Variants in FAM193A observed in about 807,000 individuals in gnomAD.
FAM193A encodes the protein family with sequence similarity 193 member A.
A neutral mutation model predicts 126.5 loss-of-function variants in FAM193A; 22 were observed. The ratio of observed to expected loss-of-function variants is 0.17; its 90% CI spans 0.12 to 0.25. The LOEUF is 0.25. FAM193A is among the 10% of genes least tolerant of loss of function. The pLI is 1.00. For synonymous variants in FAM193A, 761 were observed against 646.8 expected (o/e 1.18, Z -2.68); for missense variants, 1,675 against 1,672.8 (o/e 1.00, Z -0.02).
intron 20 of FAM193A, among the ~76,000 whole-genome samples, chr4:2,719,730 G>A (rs1412474345): frequency 3.4e-4 from 46 of 136,782 alleles, no homozygotes; most frequent in African/African-American, 1.1e-3. Flanking sequence ...GGGCAACAGA[G>A]AGACACTCTC....
chr4:2,602,531 T>G (rs1741261114), intron 2 of FAM193A, among the ~76,000 whole-genome samples: 1 of 152,092 alleles, frequency 6.6e-6, no homozygotes, highest in South Asian at 2.1e-4. Context: ...TTTTGCATTT[T>G]TAGTACAGAT....
At chr4:2,706,949 C>G (rs1018103306) in intron 19 of FAM193A, among the ~76,000 whole-genome samples, 1 of 151,972 alleles carries the variant, frequency 6.6e-6, no homozygotes, top group East Asian at 1.9e-4. Flanking sequence ...GGTGAAACAC[C>G]ATCTCTACTA....
At chr4:2,637,945 G>C (rs979091486) in intron 5 of FAM193A, among the ~76,000 whole-genome samples, 15 of 152,234 alleles carry the variant, frequency 9.9e-5, no homozygotes, top group African/African-American at 2.7e-4. Context: ...GCCTCACCTA[G>C]AGGTGTAATT....
At chr4:2,640,388 A>G (rs1255616328) in intron 6 of FAM193A, among the ~76,000 whole-genome samples, 1 of 152,292 alleles carries the variant, frequency 6.6e-6, no homozygotes, top group Admixed American at 6.5e-5. Flanking sequence ...AAAGGGGTGC[A>G]GAGTGCAGCA....
chr4:2,577,555 A>G lies in FAM193A; in HGVS notation c.256-18529A>G, dbSNP rs1452198216. On this transcript the variant is annotated intron_variant, in intron 1 of 20. Transcript: ENST00000637812. The stretch of plus-strand genomic sequence containing the variant: ...TGCCTCAGCCTCCTGAGTAGCTGCA[A>G]TTACAGGCGCCCGCCACCACACCCG... Among the ~76,000 whole-genome samples the G allele has an allele frequency of 2.6e-5, 4 of 151,696 alleles. No individual in the cohort carries two copies. The South Asian group carries it at 8.3e-4, about 32-fold the overall frequency.
At chr4:2,680,796 C>T (rs1408795095) in intron 13 of FAM193A, among the ~76,000 whole-genome samples, 1 of 152,010 alleles carries the variant, frequency 6.6e-6, no homozygotes, top group Non-Finnish European at 1.5e-5. Context: ...CGCCCACCAC[C>T]ATGCCCGGCT....
intron 4 of FAM193A, among the ~76,000 whole-genome samples, chr4:2,629,230 A>AAG (rs1310215540): frequency 2.0e-5 from 3 of 152,050 alleles, no homozygotes; most frequent in South Asian, 2.1e-4. Flanking sequence ...AAAAAAAAAA[A>AAG]AGAGATCTAA....
chr4:2,574,604 G>T (rs920459126), intron 1 of FAM193A, among the ~76,000 whole-genome samples: 1 of 152,144 alleles, frequency 6.6e-6, no homozygotes, highest in Non-Finnish European at 1.5e-5. Flanking sequence ...TGAGAAGGGA[G>T]CCCTGAGGAT....
chr4:2,655,242 T>C, intron 7 of FAM193A: 1 of 482,072 alleles, frequency 2.1e-6, no homozygotes, highest in South Asian at 4.2e-5. Context: ...ATTTAAAAAA[T>C]AAAACAGGAA....
chr4:2,628,052 A>G (rs1204313069), intron 4 of FAM193A, among the ~76,000 whole-genome samples: 1 of 151,520 alleles, frequency 6.6e-6, no homozygotes, highest in South Asian at 2.1e-4. Context: ...GCGCCCAGCT[A>G]ATTTTTGTAT....
At chr4:2,563,945 T>G (rs1321554019) in intron 1 of FAM193A, among the ~76,000 whole-genome samples, 1 of 152,240 alleles carries the variant, frequency 6.6e-6, no homozygotes, top group Non-Finnish European at 1.5e-5. Flanking sequence ...TAAAATTGTA[T>G]TAAGCTCAGA....
intron 12 of FAM193A, among the ~76,000 whole-genome samples, chr4:2,665,396 T>G (rs757509067): frequency 6.6e-6 from 1 of 152,244 alleles, no homozygotes; most frequent in Non-Finnish European, 1.5e-5. Flanking sequence ...CTTTGGATTT[T>G]CTATATACAA....
chr4:2,632,270 A>G (rs939794590), intron 5 of FAM193A, among the ~76,000 whole-genome samples: 4 of 152,150 alleles, frequency 2.6e-5, no homozygotes, highest in African/African-American at 4.8e-5. Flanking sequence ...CCCTCTTAGA[A>G]AAATTTACAT....
rs562736893 is a variant in FAM193A at position 2,715,008 on chromosome 4, TGACCA to T, written c.4373-1012_4373-1008del. ...TGTATTCACGATTGAATTAGATAAG[TGACCA>T]GAACAGAACAGAGAAGTAGAAATTC... On this transcript the variant is annotated intron_variant, in intron 19 of 20. Coordinates refer to ENST00000637812, the MANE Select transcript of FAM193A (RefSeq NM_001366318.2). 1.5e-3 allele frequency among the ~76,000 whole-genome samples: 233 copies of T among 152,282 alleles called. 2 individuals carry two copies. Among genetic ancestry groups the T allele is most frequent in the African/African-American group, 5.3e-3 (219 of 41,564 alleles).
At chr4:2,574,759 T>G (rs765804559) in intron 1 of FAM193A, among the ~76,000 whole-genome samples, 1 of 152,248 alleles carries the variant, frequency 6.6e-6, no homozygotes, top group African/African-American at 2.4e-5. Context: ...TTAAATGACA[T>G]GAATTAATCA....
chr4:2,581,348 G>C (rs1739927268), intron 1 of FAM193A, among the ~76,000 whole-genome samples: 1 of 150,128 alleles, frequency 6.7e-6, no homozygotes, highest in Middle Eastern at 3.2e-3. Context: ...CCGCCTCCCA[G>C]GTCCAAGTAA....
At chr4:2,678,358 T>TG (rs367793909) in intron 13 of FAM193A, among the ~76,000 whole-genome samples, 1 of 144,238 alleles carries the variant, frequency 6.9e-6, no homozygotes, top group Middle Eastern at 3.6e-3. Flanking sequence ...TTGGTTTTGG[T>TG]GGTTTTTTTT....
intron 2 of FAM193A, among the ~76,000 whole-genome samples, chr4:2,622,278 A>G (rs992487649): frequency 1.3e-5 from 2 of 150,716 alleles, no homozygotes; most frequent in Non-Finnish European, 2.9e-5. Flanking sequence ...AAAAAAAAAA[A>G]AAAAACCTAA....
Position 2,579,140 on chromosome 4 carries a change from A to G in FAM193A, c.256-16944A>G, listed in dbSNP as rs141994134. 2.4e-3 allele frequency among the ~76,000 whole-genome samples: 365 copies of G among 152,108 alleles called. 5 individuals carry two copies. Among genetic ancestry groups the G allele is most frequent in the Non-Finnish European group, 3.9e-3 (262 of 67,980 alleles). Reference sequence around the variant, plus strand: ...CTCCCAAAGTGCTGGGATTACAAGTATGAATCACCACTACGCCTGGCCAGC... The same window carrying G: ...CTCCCAAAGTGCTGGGATTACAAGTGTGAATCACCACTACGCCTGGCCAGC... On this transcript the variant is annotated intron_variant, in intron 1 of 20. Coordinates refer to ENST00000637812, the MANE Select transcript of FAM193A (RefSeq NM_001366318.2).
Sources: gnomAD v4.1 joint callset for allele counts (sites outside exome capture counted in the v4.1 genomes callset) on GRCh38, gnomAD v4.1.1 for gene constraint, MANE v1.5 for transcripts, NCBI Gene and HGNC (gene_info 2026-07-23, HGNC 2026-07-21) for gene names.